The following VAT1L variants were observed in gnomAD, a reference collection of about 807,000 sequenced individuals.
VAT1L encodes putative NADPH-dependent quinone oxidoreductase VAT1L.
In VAT1L, 34 loss-of-function variants were observed where a neutral mutation model predicts 44.1. The observed-to-expected ratio is 0.77, with a 90% CI of 0.59 to 1.03. The LOEUF is 1.03. VAT1L is among the 50% of genes least tolerant of loss of function. The probability of loss-of-function intolerance (pLI) is 0.00; values close to 1 mark genes in which losing one functional copy is unlikely to be tolerated. For synonymous variants in VAT1L, 253 were observed against 202.2 expected, an observed-to-expected ratio of 1.25 and a Z score of -2.13; for missense variants, 615 against 538.8, an observed-to-expected ratio of 1.14 and a Z score of -1.40.
At chr16:77,802,351 C>T (rs1597165581) in intron 1 of VAT1L, among the ~76,000 whole-genome samples, 1 of 152,010 alleles carries the variant, frequency 6.6e-6, no homozygotes, top group African/African-American at 2.4e-5. Flanking sequence ...GCACCGTGGC[C>T]CACGCCTGTA....
intron 1 of VAT1L, chr16:77,800,795 A>T (rs928547691): frequency 5.3e-5 from 8 of 152,202 alleles, no homozygotes; most frequent in Non-Finnish European, 1.2e-4. Flanking sequence ...TAGGAAAGAT[A>T]CATTAATTAT....
intron 4 of VAT1L, among the ~76,000 whole-genome samples, chr16:77,865,190 G>A (rs1233438906): frequency 3.3e-5 from 5 of 151,942 alleles, no homozygotes; most frequent in East Asian, 1.9e-4. Flanking sequence ...AGCCAGGATT[G>A]TCTTGATCTC....
intron 7 of VAT1L, among the ~76,000 whole-genome samples, chr16:77,913,776 C>G (rs1300823659): frequency 6.6e-6 from 1 of 152,098 alleles, no homozygotes; most frequent in Non-Finnish European, 1.5e-5. Context: ...TATTGGACAT[C>G]AGATATAAAC....
chr16:77,803,505 C>G (rs2016102747), intron 1 of VAT1L, among the ~76,000 whole-genome samples: 1 of 150,106 alleles, frequency 6.7e-6, no homozygotes, highest in Non-Finnish European at 1.5e-5. Context: ...CTGCAAGCTC[C>G]ACCTCCTGGG....
At chr16:77,940,554 A>T (rs923862597) in intron 7 of VAT1L, among the ~76,000 whole-genome samples, 1 of 151,974 alleles carries the variant, frequency 6.6e-6, no homozygotes, top group Non-Finnish European at 1.5e-5. Context: ...CATGTTGGTC[A>T]TGCTGGTCTT....
At chr16:77,907,316 C>T (rs576988745) in intron 7 of VAT1L, among the ~76,000 whole-genome samples, 9 of 152,342 alleles carry the variant, frequency 5.9e-5, no homozygotes, top group African/African-American at 2.2e-4. Context: ...CCACCAGGCA[C>T]AGAGCTCACT....
chr16:77,881,803 G>T (rs941006579), intron 6 of VAT1L, among the ~76,000 whole-genome samples: 4 of 152,262 alleles, frequency 2.6e-5, no homozygotes, highest in African/African-American at 9.6e-5. Flanking sequence ...TTTGTGCCAT[G>T]CACAGCTGCT....
intron 3 of VAT1L, among the ~76,000 whole-genome samples, chr16:77,843,859 G>C (rs2016731927): frequency 6.6e-6 from 1 of 152,218 alleles, no homozygotes; most frequent in Admixed American, 6.5e-5. Flanking sequence ...CAGAGGTCTG[G>C]GCTTGTGGAG....
rs150372620 is a variant in VAT1L at position 77,878,738 on chromosome 16, C to T, written c.827-431C>T. 3.2e-3 allele frequency among the ~76,000 whole-genome samples: 484 copies of T among 152,260 alleles called. 1 individual carries two copies. The highest frequency in any genetic ancestry group is 0.011 in the African/African-American group (439 of 41,540). Reference sequence around the variant, plus strand: ...TTTTAACTCTGCTCCACCTCTCCCACCATTTAGGTACCCAGTCCAGGTCAG... The same window carrying T: ...TTTTAACTCTGCTCCACCTCTCCCATCATTTAGGTACCCAGTCCAGGTCAG... On this transcript the variant is annotated intron_variant, in intron 5 of 8. Transcript: ENST00000302536.
At chr16:77,973,632 T>C (rs1037807646) in intron 8 of VAT1L, among the ~76,000 whole-genome samples, 1 of 151,922 alleles carries the variant, frequency 6.6e-6, no homozygotes, top group African/African-American at 2.4e-5. Flanking sequence ...TTCTTGTTTC[T>C]TCATTTACAT....
chr16:77,807,667 T>C (rs8060080), intron 1 of VAT1L, among the ~76,000 whole-genome samples: 48,366 of 152,030 alleles, frequency 0.32, 8,556 homozygotes, highest in Non-Finnish European at 0.4. Context: ...CTTTGTGTCA[T>C]AGTGATGACA....
At chr16:77,855,796 G>A (rs956800588) in intron 3 of VAT1L, among the ~76,000 whole-genome samples, 2 of 152,108 alleles carry the variant, frequency 1.3e-5, no homozygotes, top group Admixed American at 6.6e-5. Flanking sequence ...AAGGCGGGCG[G>A]ATCACGAGGT....
At chr16:77,854,329 G>T (rs1422044909) in intron 3 of VAT1L, among the ~76,000 whole-genome samples, 2 of 152,140 alleles carry the variant, frequency 1.3e-5, no homozygotes, top group Non-Finnish European at 2.9e-5. Flanking sequence ...CAAAGAAAAA[G>T]AAAAACTGAC....
intron 7 of VAT1L, among the ~76,000 whole-genome samples, chr16:77,960,477 A>G (rs2018149368): frequency 6.6e-6 from 1 of 152,200 alleles, no homozygotes; most frequent in African/African-American, 2.4e-5. Context: ...CAAAGGCATT[A>G]ACAGATTGCA....
intron 7 of VAT1L, among the ~76,000 whole-genome samples, chr16:77,945,100 T>G (rs1399100295): frequency 1.3e-5 from 2 of 152,110 alleles, no homozygotes; most frequent in Admixed American, 6.6e-5. Context: ...CACAGGCCAT[T>G]CAGAGTGTTC....
chr16:77,871,256 C>T (rs1342036313), intron 4 of VAT1L, among the ~76,000 whole-genome samples: 2 of 152,060 alleles, frequency 1.3e-5, no homozygotes, highest in African/African-American at 4.8e-5. Context: ...CACCACTGAC[C>T]TTCAAAAGGA....
At chr16:77,814,302 A>T (rs2016314399) in intron 1 of VAT1L, among the ~76,000 whole-genome samples, 1 of 152,136 alleles carries the variant, frequency 6.6e-6, no homozygotes, top group African/African-American at 2.4e-5. Context: ...AACAATACTG[A>T]CCTGTCCTAG....
chr16:77,832,810 C>T (rs575023884), intron 3 of VAT1L, among the ~76,000 whole-genome samples: 1 of 152,280 alleles, frequency 6.6e-6, no homozygotes, highest in East Asian at 1.9e-4. Context: ...ATCTATGTGC[C>T]TGAGCACTTG....
chr16:77,889,921 T>A (rs940341253), intron 7 of VAT1L, among the ~76,000 whole-genome samples: 2 of 151,968 alleles, frequency 1.3e-5, no homozygotes, highest in African/African-American at 4.8e-5. Context: ...GCCCCATCTC[T>A]ACTAAAAATA....
Sources: allele counts gnomAD v4.1 joint callset (sites outside exome capture counted in the v4.1 genomes callset), GRCh38; gene constraint gnomAD v4.1.1; transcripts MANE v1.5; gene names NCBI Gene and HGNC (gene_info 2026-07-23, HGNC 2026-07-21).